The following DBNL variants were observed in gnomAD, a reference collection of about 807,000 sequenced individuals.
DBNL encodes the protein drebrin-like protein.
Under a neutral mutation model 62.2 loss-of-function variants are expected in DBNL, and 35 were observed. That is an observed-to-expected ratio of 0.56 (90% confidence interval 0.43 to 0.75). The LOEUF (loss-of-function observed/expected upper bound fraction) is 0.75. Ranked by LOEUF, DBNL falls within the 30% of genes least tolerant of loss-of-function variation. The pLI is 0.00. For missense variants in DBNL, 495 were observed against 578.4 expected, an observed-to-expected ratio of 0.86 and a Z score of 1.48; for synonymous variants, 197 against 218.0, an observed-to-expected ratio of 0.90 and a Z score of 0.85.
chr7:44,052,984 A>G, intron 4 of DBNL, 43 bp downstream of exon 4: 7 of 1,596,538 alleles, frequency 4.4e-6, no homozygotes, highest in Non-Finnish European at 6.0e-6. Context: ...CAGGCCTCAC[A>G]GGCTTGAGGT....
chr7:44,046,541 G>A (rs1036763123), intron 1 of DBNL, among the ~76,000 whole-genome samples: 1 of 152,086 alleles, frequency 6.6e-6, no homozygotes, highest in African/African-American at 2.4e-5. Flanking sequence ...GGGTTGTGGA[G>A]CCTCCTCTTT....
chr7:44,062,959 C>T lies in DBNL; in HGVS notation c.*2043C>T. On this transcript the variant is annotated 3_prime_UTR_variant, in exon 13 of 13. Coordinates refer to ENST00000448521, the MANE Select transcript of DBNL (RefSeq NM_001014436.3). ...TGCCGGAAGGAATAGGTGTCCTTAG[C>T]CCCTCTGTCCCCAGCCTGTTTACAC... is the stretch of plus-strand genomic sequence containing the variant. 1 of 1,612,708 alleles carries T rather than the reference C, an allele frequency of 6.2e-7. No homozygotes were observed. The highest frequency in any genetic ancestry group is 1.7e-5 in the Admixed American group (1 of 60,022).
chr7:44,052,720 A>G (rs2096128774), intron 3 of DBNL, 147 bp from the exon 4 acceptor site: 2 of 907,122 alleles, frequency 2.2e-6, no homozygotes, highest in African/African-American at 1.7e-5. Context: ...AACTTACCTC[A>G]CCCATGTGAT....
chr7:44,058,675 C>G (rs2096141769), intron 8 of DBNL, 195 bp downstream of exon 8: 1 of 855,726 alleles, frequency 1.2e-6, no homozygotes, highest in Non-Finnish European at 1.8e-6. Context: ...TTGGACCACA[C>G]CTGGTCCTGG....
intron 4 of DBNL, among the ~76,000 whole-genome samples, chr7:44,054,740 T>A (rs2096133055): frequency 6.6e-6 from 1 of 152,252 alleles, no homozygotes; most frequent in Non-Finnish European, 1.5e-5. Flanking sequence ...ATTCCTTCTA[T>A]TTAACTGTAC....
At position 44,064,932 on chromosome 7, in the gene DBNL, G is replaced by A. The variant is rs990564712; in HGVS notation, c.*4016G>A. ...GGGGAACAATCTCCTCGTTCCAGAA[G>A]GGCAGGGCCCGGGCAATGGTGTCCT... On this transcript the variant is annotated 3_prime_UTR_variant, in exon 13 of 13. Coordinates refer to ENST00000448521, the MANE Select transcript of DBNL (RefSeq NM_001014436.3). 4 of 1,610,740 alleles carry A rather than the reference G, an allele frequency of 2.5e-6. No individual in the cohort carries two copies. The highest frequency in any genetic ancestry group is 3.4e-6 in the Non-Finnish European group (4 of 1,179,756).
chr7:44,064,793 G>GGCCCCCCCCCCAGCCCCCGC lies in DBNL; in HGVS notation c.*3877_*3878insGCCCCCCCCCCAGCCCCCGC. On this transcript the variant is annotated 3_prime_UTR_variant, in exon 13 of 13. Coordinates refer to ENST00000448521, the MANE Select transcript of DBNL (RefSeq NM_001014436.3). ...AGATGAGAAGCCAGCTGGGGCTGCT[G>GGCCCCCCCCCCAGCCCCCGC]CCCACCCACCCTGCCCAGGCTCCTG... is the stretch of plus-strand genomic sequence containing the variant. 8.8e-7 allele frequency: 1 copy of GGCCCCCCCCCCAGCCCCCGC among 1,136,982 alleles called. No homozygotes were observed. Among genetic ancestry groups the GGCCCCCCCCCCAGCCCCCGC allele is most frequent in the Non-Finnish European group, 1.3e-6 (1 of 773,400 alleles). 70.4% of individuals were successfully genotyped at this position (1,136,982 alleles called of 1,614,324 possible).
Position 44,060,782 on chromosome 7 carries a change from G to A in DBNL, c.1159G>A (p.Asp387Asn). Residue 387 changes from aspartate to asparagine, a missense_variant, in exon 13 of 13, where the codon GAC becomes AAC. Coordinates refer to ENST00000448521, the MANE Select transcript of DBNL (RefSeq NM_001014436.3). This position sits in a 1 kb window ranked among gnomAD's most constrained non-coding sequence, Gnocchi z 6.3. ...RALYDYQAAD[D>N]TEISFDPENL... ...TGGGCTCATCCTCTTTGCAGCCGACGACACAGAGATCTCCTTTGACCCCGA... is the reference window on the plus strand; with the variant it reads ...TGGGCTCATCCTCTTTGCAGCCGACAACACAGAGATCTCCTTTGACCCCGA... The A allele has an allele frequency of 1.9e-6, 3 of 1,613,764 alleles. No homozygotes were observed. The highest frequency in any genetic ancestry group is 2.5e-6 in the Non-Finnish European group (3 of 1,179,842).
chr7:44,064,629 C>A lies in DBNL; in HGVS notation c.*3713C>A. 1 of 613,544 alleles carries A rather than the reference C, an allele frequency of 1.6e-6. No homozygotes were observed. Among genetic ancestry groups the A allele is most frequent in the Non-Finnish European group, 2.9e-6 (1 of 341,898 alleles). 38.0% of individuals were successfully genotyped at this position (613,544 alleles called of 1,614,324 possible). A position where few individuals can be genotyped will look rare whatever the true frequency, so the allele number is the denominator to read the frequency against. On this transcript the variant is annotated 3_prime_UTR_variant, in exon 13 of 13. Coordinates refer to ENST00000448521, the MANE Select transcript of DBNL (RefSeq NM_001014436.3). ...AGCGAGCTTCGAGTGCAGTCAGCCCCTGTGGAGTGTGTCCCAGTTACACAG... is the reference window on the plus strand; with the variant it reads ...AGCGAGCTTCGAGTGCAGTCAGCCCATGTGGAGTGTGTCCCAGTTACACAG...
chr7:44,057,612 G>T (rs190494464), intron 5 of DBNL, among the ~76,000 whole-genome samples, 170 bp from the exon 6 acceptor site: 4 of 152,284 alleles, frequency 2.6e-5, no homozygotes, highest in African/African-American at 9.6e-5. Context: ...AGGTCATCTT[G>T]GTGTGTGTCT....
At chr7:44,055,285 G>A (rs991118783) in intron 4 of DBNL, among the ~76,000 whole-genome samples, 2 of 152,176 alleles carry the variant, frequency 1.3e-5, no homozygotes, top group Non-Finnish European at 2.9e-5. Flanking sequence ...GGCCAACATG[G>A]TGAAACCCCG....
At position 44,061,988 on chromosome 7, in the gene DBNL, T is replaced by G. The variant is rs1334522186; in HGVS notation, c.*1072T>G. 2 of 152,832 alleles carry G rather than the reference T, an allele frequency of 1.3e-5. No individual in the cohort carries two copies. The highest frequency in any genetic ancestry group is 1.3e-4 in the Admixed American group (2 of 15,340). The allele number at this position is 152,832 out of a possible 1,614,324, so 9.5% of individuals were successfully genotyped here. A position where few individuals can be genotyped will look rare whatever the true frequency, so the allele number is the denominator to read the frequency against. On this transcript the variant is annotated 3_prime_UTR_variant, in exon 13 of 13. Coordinates refer to ENST00000448521, the MANE Select transcript of DBNL (RefSeq NM_001014436.3). ...CCTGCTCCCAGCTTCAGGGAGCCTCTGCCTACATGGGATGGCCCACTGTGT... is the reference window on the plus strand; with the variant it reads ...CCTGCTCCCAGCTTCAGGGAGCCTCGGCCTACATGGGATGGCCCACTGTGT...
intron 8 of DBNL, 113 bp downstream of exon 8, chr7:44,058,593 T>G: frequency 7.2e-7 from 1 of 1,398,532 alleles, no homozygotes; most frequent in Admixed American, 2.2e-5. Flanking sequence ...TGCAGTCAGC[T>G]GGGGCAGGTT....
Position 44,046,435 on chromosome 7 carries a change from A to G in DBNL, c.83+1615A>G, listed in dbSNP as rs535103074. 1.0e-3 allele frequency among the ~76,000 whole-genome samples: 156 copies of G among 152,092 alleles called. 7 individuals are homozygous for G. In the South Asian group the frequency reaches 0.031, roughly 30 times the overall value. On this transcript the variant is annotated intron_variant, in intron 1 of 12. Coordinates refer to ENST00000448521, the MANE Select transcript of DBNL (RefSeq NM_001014436.3). ...TTGGGCTTCCCTCTTCAGACCTCCT[A>G]TGTTCCTAGCCTTTCCTTGGGCTGC...
rs2096148140 is a variant in DBNL, at chr7:44,061,097, G to A, written c.*181G>A. ...TCACCCCAAATGCAGCAATGGCCTG[G>A]TGATTCCCACACATCCTTCCTGCAT... On this transcript the variant is annotated 3_prime_UTR_variant, in exon 13 of 13. Transcript: ENST00000448521. 1.3e-6 allele frequency: 1 copy of A among 775,496 alleles called. No individual in the cohort carries two copies. The highest frequency in any genetic ancestry group is 2.0e-6 in the Non-Finnish European group (1 of 501,492). 48.0% of individuals were successfully genotyped at this position (775,496 alleles called of 1,614,324 possible). A position where few individuals can be genotyped will look rare whatever the true frequency, so the allele number is the denominator to read the frequency against.
intron 1 of DBNL, among the ~76,000 whole-genome samples, chr7:44,049,502 C>T (rs568457248): frequency 1.2e-4 from 19 of 152,322 alleles, no homozygotes; most frequent in Admixed American, 1.2e-3. Flanking sequence ...GAAAAGAAAG[C>T]CATGGCCCCA....
Position 44,059,054 on chromosome 7 carries a change from C to CT in DBNL, c.835+72dup. 6.5e-7 allele frequency: 1 copy of CT among 1,527,638 alleles called. No homozygotes were observed. The highest frequency in any genetic ancestry group is 9.0e-7 in the Non-Finnish European group (1 of 1,106,306). 94.6% of individuals were successfully genotyped at this position (1,527,638 alleles called of 1,614,324 possible). On this transcript the variant is annotated intron_variant, in intron 9 of 12. Transcript: ENST00000448521. This position sits in a 1 kb window ranked among gnomAD's most constrained non-coding sequence, Gnocchi z 4.1. ...GGGGGAGCCTGGGGTCCTATGTGGG[C>CT]TCCCCCAAGGCTAGTGACAGATATA...
At chr7:44,046,353 A>C in intron 1 of DBNL, among the ~76,000 whole-genome samples, 1 of 152,094 alleles carries the variant, frequency 6.6e-6, no homozygotes, top group African/African-American at 2.4e-5. Flanking sequence ...CTTCATCATC[A>C]GTCTTCTCAG....
intron 1 of DBNL, among the ~76,000 whole-genome samples, chr7:44,049,366 C>G (rs2096122542): frequency 6.6e-6 from 1 of 152,170 alleles, no homozygotes; most frequent in Non-Finnish European, 1.5e-5. Flanking sequence ...CCGTGTTAGC[C>G]AGAATGGTCT....
Sources: gnomAD v4.1 joint callset for allele counts (sites outside exome capture counted in the v4.1 genomes callset) on GRCh38, gnomAD v4.1.1 for gene constraint, Gnocchi (gnomAD v3.1) non-coding constraint, MANE v1.5 for transcripts, NCBI Gene and HGNC (gene_info 2026-07-23, HGNC 2026-07-21) for gene names.